Variants in ANK1 observed in about 807,000 individuals in gnomAD.
ANK1 encodes ankyrin 1, also known as ankyrin-1.
ANK1 carries 51 observed loss-of-function variants against 210.4 expected under a neutral mutation model. That is an observed-to-expected ratio of 0.24 (90% CI 0.19 to 0.31). ANK1 has a LOEUF of 0.31. Among genes scored for constraint, ANK1 ranks in the 10% least tolerant of loss-of-function variants. The probability of loss-of-function intolerance (pLI) is 1.00; values close to 1 mark genes in which losing one functional copy is unlikely to be tolerated. For missense variants in ANK1, 2,051 were observed against 2,504.4 expected, an observed-to-expected ratio of 0.82 and a Z score of 3.86; for synonymous variants, 967 against 1,025.9, an observed-to-expected ratio of 0.94 and a Z score of 1.10.
intron 2 of ANK1, among the ~76,000 whole-genome samples, chr8:41,743,079 C>T (rs1009605283): frequency 3.3e-5 from 5 of 152,198 alleles, no homozygotes; most frequent in Non-Finnish European, 2.9e-5. Context: ...TCTAGCTTTG[C>T]TCTATTATTG....
intron 1 of ANK1, among the ~76,000 whole-genome samples, chr8:41,861,210 C>T (rs1023428751): frequency 4.6e-5 from 7 of 152,176 alleles, no homozygotes; most frequent in Non-Finnish European, 1.0e-4. Flanking sequence ...TAAAGCCCTC[C>T]ATCAAATTCA....
chr8:41,796,853 G>A (rs373605739), intron 1 of ANK1, among the ~76,000 whole-genome samples: 3 of 152,128 alleles, frequency 2.0e-5, no homozygotes, highest in African/African-American at 7.2e-5. Flanking sequence ...TATCTACACA[G>A]GGAGAACAAG....
chr8:41,710,910 A>G (rs1825958340), intron 16 of ANK1, among the ~76,000 whole-genome samples: 3 of 152,260 alleles, frequency 2.0e-5, no homozygotes, highest in Admixed American at 2.0e-4. Context: ...TTTTGTGGTG[A>G]AACGAAAAGT....
chr8:41,724,644 C>T, intron 6 of ANK1, 90 bp from the exon 7 acceptor site: 1 of 1,204,028 alleles, frequency 8.3e-7, no homozygotes, highest in Non-Finnish European at 1.2e-6. Flanking sequence ...TCAGGTGGGG[C>T]AACAGGACTT....
chr8:41,711,656 T>A (rs773316295), intron 16 of ANK1, among the ~76,000 whole-genome samples: 28 of 152,340 alleles, frequency 1.8e-4, no homozygotes, highest in Middle Eastern at 6.8e-3. Flanking sequence ...AATTAAAGAA[T>A]CTCGGAATCT....
At chr8:41,877,693 G>C (rs923053606) in intron 1 of ANK1, among the ~76,000 whole-genome samples, 5 of 152,226 alleles carry the variant, frequency 3.3e-5, no homozygotes, top group Admixed American at 6.5e-5. Flanking sequence ...AAAATGATGC[G>C]ATAGAGCAGG....
chr8:41,710,798 A>G (rs1432222490), intron 16 of ANK1, among the ~76,000 whole-genome samples: 1 of 152,222 alleles, frequency 6.6e-6, no homozygotes, highest in Non-Finnish European at 1.5e-5. Flanking sequence ...TGATTCTGCC[A>G]GGATCACTGG....
chr8:41,684,119 C>T (rs1239216168), intron 37 of ANK1, among the ~76,000 whole-genome samples: 1 of 152,232 alleles, frequency 6.6e-6, no homozygotes, highest in African/African-American at 2.4e-5. Flanking sequence ...TGCTTCCCAA[C>T]CACTGACTGT....
At chr8:41,822,823 G>T (rs1804706552) in intron 1 of ANK1, among the ~76,000 whole-genome samples, 1 of 152,228 alleles carries the variant, frequency 6.6e-6, no homozygotes. Flanking sequence ...CAGCAGTAAG[G>T]CTGGATTTGC....
At chr8:41,691,793 A>G (rs2150587812) in intron 31 of ANK1, among the ~76,000 whole-genome samples, 1 of 152,356 alleles carries the variant, frequency 6.6e-6, no homozygotes, top group South Asian at 2.1e-4. Flanking sequence ...TTAATACACA[A>G]ATAAGGGATA....
At chr8:41,656,286 C>G (rs543154621) in intron 42 of ANK1, among the ~76,000 whole-genome samples, 1 of 152,220 alleles carries the variant, frequency 6.6e-6, no homozygotes, top group Non-Finnish European at 1.5e-5. Context: ...AGGGATGGAG[C>G]GGATGTGCTC....
Position 41,803,085 on chromosome 8 carries a change from G to GGGAAGGAAAGGAAAGGA in ANK1, c.127-44949_127-44948insTCCTTTCCTTTCCTTCC, listed in dbSNP as rs1563811160. Among the ~76,000 whole-genome samples the GGGAAGGAAAGGAAAGGA allele has an allele frequency of 3.2e-3, 191 of 60,020 alleles. 1 individual carries two copies. The highest frequency in any genetic ancestry group is 4.5e-3 in the Non-Finnish European group (144 of 31,838). 39.4% of individuals were successfully genotyped at this position (60,020 alleles called of 152,430 possible). On this transcript the variant is annotated intron_variant, in intron 1 of 42. Transcript: ENST00000265709. ...AAAGGAAGGAAGGAAGGAAGGAAGG[G>GGGAAGGAAAGGAAAGGA]AAGGAAAGGAAAGGAAAGGAAAGGA...
chr8:41,690,835 T>A (rs1819083302), intron 31 of ANK1, among the ~76,000 whole-genome samples: 1 of 152,220 alleles, frequency 6.6e-6, no homozygotes, highest in South Asian at 2.1e-4. Flanking sequence ...TCTTCAAATA[T>A]CCCTGAGATG....
At chr8:41,753,072 T>C (rs1219434627) in intron 2 of ANK1, among the ~76,000 whole-genome samples, 1 of 149,562 alleles carries the variant, frequency 6.7e-6, no homozygotes, top group Non-Finnish European at 1.5e-5. Context: ...TTTTTTTTTT[T>C]TTTTTTTTGA....
intron 39 of ANK1, 166 bp from the exon 40 acceptor site, chr8:41,663,908 C>T (rs998572534): frequency 1.2e-5 from 8 of 693,990 alleles, no homozygotes; most frequent in African/African-American, 1.1e-4. Flanking sequence ...CCAGGGCTCC[C>T]AGGGCGTGGG....
rs566367830 is a variant in ANK1 at position 41,693,887 on chromosome 8, G to T, written c.3532+11C>A. On this transcript the variant is annotated intron_variant, in intron 29 of 42. Coordinates refer to ENST00000289734, the MANE Select transcript of ANK1 (RefSeq NM_000037.4). ...AGCCGAGAACAGAAGCGAGGCAGGG[G>T]CCCCTCTCACCAATGACGCTGCAAA... 6.3e-7 allele frequency: 1 copy of T among 1,598,782 alleles called. No homozygotes were observed. Among genetic ancestry groups the T allele is most frequent in the Admixed American group, 1.7e-5 (1 of 57,602 alleles).
At position 41,744,070 on chromosome 8, in the gene ANK1, A is replaced by G. The variant is rs552706701; in HGVS notation, c.130-10001T>C. On this transcript the variant is annotated intron_variant, in intron 2 of 42. Coordinates refer to ENST00000289734, the MANE Select transcript of ANK1 (RefSeq NM_000037.4). ...AAAATGCTCAAGGAATGATGAGGAC[A>G]TGTCAAAGGATGAAGAAGCCAACTG... is the stretch of plus-strand genomic sequence containing the variant. Among the ~76,000 whole-genome samples, 9 of 152,328 alleles carry G rather than the reference A, an allele frequency of 5.9e-5. No homozygotes were observed. The South Asian group carries it at 6.2e-4, about 11-fold the overall frequency.
chr8:41,702,010 C>T lies in ANK1; in HGVS notation c.2388+42G>A, dbSNP rs377695773. On this transcript the variant is annotated intron_variant, in intron 21 of 42. Coordinates refer to ENST00000289734, the MANE Select transcript of ANK1 (RefSeq NM_000037.4). ...ACCCCAGGCACGCCTGTGCGCCAGG[C>T]TGAGTGTGTCTGGGGTGGGTGCGGG... The T allele has an allele frequency of 5.1e-6, 8 of 1,576,466 alleles. No individual in the cohort carries two copies. The African/African-American group carries it at 9.4e-5, about 19-fold the overall frequency.
chr8:41,821,328 T>TTCCTTG (rs1804224035), intron 1 of ANK1, among the ~76,000 whole-genome samples: 1 of 152,202 alleles, frequency 6.6e-6, no homozygotes, highest in Non-Finnish European at 1.5e-5. Context: ...AAAAGGATGG[T>TTCCTTG]CTATTTGTTT....
Sources: allele counts gnomAD v4.1 joint callset (sites outside exome capture counted in the v4.1 genomes callset), GRCh38; gene constraint gnomAD v4.1.1; transcripts MANE v1.5; gene names NCBI Gene and HGNC (gene_info 2026-07-23, HGNC 2026-07-21).